The following NSD2 variants were observed in gnomAD, a reference collection of about 807,000 sequenced individuals.
The protein encoded by NSD2 is nuclear receptor binding SET domain protein 2.
In NSD2, 12 loss-of-function variants were observed where a neutral mutation model predicts 139.0. The observed-to-expected ratio is 0.09, with a 90% CI of 0.06 to 0.14. The LOEUF is 0.14. Among genes scored for constraint, NSD2 ranks in the 10% least tolerant of loss-of-function variants. The pLI is 1.00. For missense variants in NSD2, 1,155 were observed against 1,745.0 expected (o/e 0.66, Z 6.02); for synonymous variants, 669 against 648.7 (o/e 1.03, Z -0.48).
chr4:1,977,988 G>A (rs774998796), intron 21 of NSD2, among the ~76,000 whole-genome samples: 6 of 151,866 alleles, frequency 4.0e-5, no homozygotes, highest in Non-Finnish European at 7.4e-5. Flanking sequence ...TTAGCTGGTC[G>A]TGGTGGCGGG....
In NSD2 at chr4:1,948,609, T is replaced by C; in HGVS notation, c.1882-2463T>C. The stretch of plus-strand genomic sequence containing the variant: ...CAATCTGTGTCATGGACTGTACTAT[T>C]GTAAGGTCTATATTCTGTATGTGGG... On this transcript the variant is annotated intron_variant, in intron 9 of 21. Coordinates refer to ENST00000508803, the MANE Select transcript of NSD2 (RefSeq NM_001042424.3). The surrounding 1 kb of genome is among the most constrained non-coding windows in gnomAD (Gnocchi z 4.5). The C allele has an allele frequency of 9.4e-7, 1 of 1,062,862 alleles. No homozygotes were observed. Among genetic ancestry groups the C allele is most frequent in the Non-Finnish European group, 1.1e-6 (1 of 876,834 alleles). 65.8% of individuals were successfully genotyped at this position (1,062,862 alleles called of 1,614,324 possible).
intron 6 of NSD2, among the ~76,000 whole-genome samples, chr4:1,932,558 C>G (rs538213515): frequency 6.6e-6 from 1 of 151,280 alleles, no homozygotes; most frequent in South Asian, 2.1e-4. Context: ...ACCAGCCTGA[C>G]CAGCATGGAG....
chr4:1,947,009 G>A (rs1209407745), intron 9 of NSD2: 1 of 1,063,592 alleles, frequency 9.4e-7, no homozygotes, highest in Non-Finnish European at 1.1e-6. Flanking sequence ...TTCAAGAAAT[G>A]ACTGAGGTAG....
In NSD2 at chr4:1,956,243, C is replaced by T. The variant is rs1724791528; in HGVS notation, c.2881+55C>T. The T allele has an allele frequency of 7.7e-6, 11 of 1,437,730 alleles. No individual in the cohort carries two copies. Among genetic ancestry groups the T allele is most frequent in the African/African-American group, 4.3e-5 (3 of 70,148 alleles). The allele number at this position is 1,437,730 out of a possible 1,614,324, so 89.1% of individuals were successfully genotyped here. On this transcript the variant is annotated intron_variant, in intron 15 of 21. Transcript: ENST00000508803. The surrounding 1 kb of genome is among the most constrained non-coding windows in gnomAD (Gnocchi z 5.3). Reference sequence around the variant, plus strand: ...CAGCACTCTCGTGCATTTTCTTACCCCTAATTTCTATTTTTTAAAATTTGA... The same window carrying T: ...CAGCACTCTCGTGCATTTTCTTACCTCTAATTTCTATTTTTTAAAATTTGA...
chr4:1,942,455 C>A lies in NSD2; in HGVS notation c.1881+2677C>A. ...CAGGTGGCGTATCATCGTACACACT[C>A]AGTGACATTTCTATCACAATCATTT... On this transcript the variant is annotated intron_variant, in intron 9 of 21. Coordinates refer to ENST00000508803, the MANE Select transcript of NSD2 (RefSeq NM_001042424.3). The surrounding 1 kb of genome is among the most constrained non-coding windows in gnomAD (Gnocchi z 4.0). 1 of 1,563,320 alleles carries A rather than the reference C, an allele frequency of 6.4e-7. No individual in the cohort carries two copies. The highest frequency in any genetic ancestry group is 1.2e-5 in the South Asian group (1 of 82,908).
intron 18 of NSD2, among the ~76,000 whole-genome samples, chr4:1,963,944 AC>A (rs1725618413): frequency 2.0e-5 from 3 of 152,310 alleles, no homozygotes; most frequent in South Asian, 4.1e-4. Context: ...ACTGCTGTGA[AC>A]TATGATCATG....
At chr4:1,871,582 C>CGCCGGG (rs1178862333) in intron 1 of NSD2, 40 bp downstream of exon 1, 1 of 151,010 alleles carries the variant, frequency 6.6e-6, no homozygotes, top group African/African-American at 2.4e-5. Context: ...GGCCGCCAAC[C>CGCCGGG]GCCGGGGCTG....
At chr4:1,947,709 C>G (rs1379493984) in intron 9 of NSD2, 7 of 1,053,398 alleles carry the variant, frequency 6.6e-6, no homozygotes, top group Non-Finnish European at 8.0e-6. Flanking sequence ...AGGTACTTCT[C>G]GCCATCAGCT....
At chr4:1,902,224 T>TTTTA (rs934667605) in intron 2 of NSD2, among the ~76,000 whole-genome samples, 10 of 152,070 alleles carry the variant, frequency 6.6e-5, no homozygotes, top group African/African-American at 1.2e-4. Context: ...AGTTTTTAAA[T>TTTTA]TTTATTTATT....
intron 18 of NSD2, among the ~76,000 whole-genome samples, chr4:1,970,215 A>T (rs1459897151): frequency 6.6e-6 from 1 of 152,204 alleles, no homozygotes; most frequent in African/African-American, 2.4e-5. Context: ...GTAGATACCC[A>T]GGCAAAAAAA....
intron 10 of NSD2, among the ~76,000 whole-genome samples, chr4:1,951,441 AATACACACACAC>A (rs1724217377): frequency 2.3e-5 from 2 of 86,978 alleles, no homozygotes; most frequent in East Asian, 7.8e-4. Context: ...CACATCATGT[AATACACACACAC>A]ACACACACAC....
intron 1 of NSD2, among the ~76,000 whole-genome samples, chr4:1,872,591 T>TGTGTGTGTGTGAGAGAGAGAGA (rs1281608141): frequency 4.5e-5 from 2 of 44,890 alleles, no homozygotes; most frequent in Non-Finnish European, 9.0e-5. Flanking sequence ...TGTGTGTGTG[T>TGTGTGTGTGTGAGAGAGAGAGA]GAGAGAGAGA....
intron 3 of NSD2, among the ~76,000 whole-genome samples, chr4:1,916,328 T>G (rs182510732): frequency 5.3e-5 from 8 of 152,328 alleles, no homozygotes; most frequent in Admixed American, 2.6e-4. Flanking sequence ...GCTAGCTTTT[T>G]TCTTTTTCTT....
chr4:1,952,801 G>C, intron 11 of NSD2: 1 of 1,165,732 alleles, frequency 8.6e-7, no homozygotes, highest in Non-Finnish European at 1.1e-6. Flanking sequence ...GAGGACACCT[G>C]CACAGCCGTG....
rs758587367 is a variant in NSD2 at position 1,972,778 on chromosome 4, G to T, written c.3373-2085G>T. Among the ~76,000 whole-genome samples the T allele has an allele frequency of 1.3e-5, 2 of 152,242 alleles. No individual in the cohort carries two copies. The highest frequency in any genetic ancestry group is 2.9e-5 in the Non-Finnish European group (2 of 68,044). On this transcript the variant is annotated intron_variant, in intron 18 of 21. Coordinates refer to ENST00000508803, the MANE Select transcript of NSD2 (RefSeq NM_001042424.3). The surrounding 1 kb of genome is among the most constrained non-coding windows in gnomAD (Gnocchi z 4.0). The stretch of plus-strand genomic sequence containing the variant: ...GGTAAAATAGTTGCATAAGGCGGAG[G>T]CAGCTTTGTGAGAAAAGACATTGTG...
At chr4:1,872,633 A>AGAGAGAGCGAGC (rs1203166315) in intron 1 of NSD2, among the ~76,000 whole-genome samples, 3 of 131,118 alleles carry the variant, frequency 2.3e-5, no homozygotes, top group South Asian at 5.2e-4. Flanking sequence ...AGAGAGAGAG[A>AGAGAGAGCGAGC]GAGCGCGCAG....
chr4:1,886,293 A>G (rs974080145), intron 1 of NSD2, among the ~76,000 whole-genome samples: 3 of 152,016 alleles, frequency 2.0e-5, no homozygotes, highest in African/African-American at 7.3e-5. Context: ...TGCAACCTCC[A>G]TCTCCTGGGC....
At chr4:1,890,401 C>G (rs1456272271) in intron 1 of NSD2, among the ~76,000 whole-genome samples, 1 of 145,706 alleles carries the variant, frequency 6.9e-6, no homozygotes, top group South Asian at 2.2e-4. Context: ...CGGGTTCACG[C>G]CATTCTCCTG....
At chr4:1,953,127 A>T in intron 11 of NSD2, 197 bp from the exon 12 acceptor site, 2 of 1,542,628 alleles carry the variant, frequency 1.3e-6, no homozygotes, top group Admixed American at 4.0e-5. Flanking sequence ...CTCAGATCGC[A>T]GCAAGGTAAT....
Sources: allele counts gnomAD v4.1 joint callset (sites outside exome capture counted in the v4.1 genomes callset), GRCh38; gene constraint gnomAD v4.1.1; non-coding constraint Gnocchi (gnomAD v3.1); transcripts MANE v1.5; gene names NCBI Gene and HGNC (gene_info 2026-07-23, HGNC 2026-07-21).